Variants in ISX observed in about 807,000 individuals in gnomAD.
ISX encodes the protein intestine-specific homeobox.
ISX carries 15 observed loss-of-function variants against 16.9 expected under a neutral mutation model. The observed-to-expected ratio is 0.89, with a 90% CI of 0.59 to 1.36. The LOEUF (loss-of-function observed/expected upper bound fraction) is 1.36. Among genes scored for constraint, ISX ranks in the 40% most tolerant of loss-of-function variants. The pLI, the probability that ISX is intolerant of heterozygous loss-of-function variation, is 0.00. For synonymous variants in ISX, 125 were observed against 119.7 expected (o/e 1.04, Z -0.29); for missense variants, 316 against 306.1 (o/e 1.03, Z -0.24).
At chr22:35,084,900 T>C (rs1929212031) in intron 4 of ISX, among the ~76,000 whole-genome samples, 1 of 152,096 alleles carries the variant, frequency 6.6e-6, no homozygotes. Context: ...TCAGAGAATG[T>C]AATAAAGTTT....
intron 2 of ISX, among the ~76,000 whole-genome samples, chr22:35,078,645 A>G (rs975928948): frequency 2.1e-4 from 11 of 51,776 alleles, no homozygotes; most frequent in African/African-American, 5.9e-4. Context: ...AAAAATCCAC[A>G]ATAGTGAGCG....
Position 35,085,469 on chromosome 22 carries a change from T to C in ISX, c.514T>C (p.Ser172Pro), listed in dbSNP as rs780042858. The C allele has an allele frequency of 2.5e-6, 4 of 1,614,188 alleles. No individual in the cohort carries two copies. The highest frequency in any genetic ancestry group is 3.4e-6 in the Non-Finnish European group (4 of 1,180,044). Residue 172 changes from serine to proline, a missense_variant, in exon 5 of 5, where the codon TCC (serine) becomes CCC (proline). Transcript: ENST00000404699. ...CTTGTGACAGGGGCCCACGTGGACA[T>C]CCACTGCTCTGCGCAGGCTGGCTCC... ...NLDVAGPTWT[S>P]TALRRLAPPT...
At chr22:35,074,355 T>A (rs1928928292) in intron 2 of ISX, among the ~76,000 whole-genome samples, 1 of 152,228 alleles carries the variant, frequency 6.6e-6, no homozygotes, top group Non-Finnish European at 1.5e-5. Flanking sequence ...GGAGTCTTCA[T>A]CTTGCTGTTC....
chr22:35,084,467 A>C lies in ISX; in HGVS notation c.466A>C (p.Ser156Arg). The C allele has an allele frequency of 1.2e-6, 2 of 1,613,384 alleles. No homozygotes were observed. The highest frequency in any genetic ancestry group is 8.5e-7 in the Non-Finnish European group (1 of 1,179,542). ...LGAPQQLSEA[S>R]VALPTNLDVA... Reference sequence around the variant, plus strand: ...GGCTCCACAGCAGCTGAGTGAAGCCAGTGTGGCCCTGCCCACAAATCTGGA... The same window carrying C: ...GGCTCCACAGCAGCTGAGTGAAGCCCGTGTGGCCCTGCCCACAAATCTGGA... Residue 156 changes from serine to arginine, a missense_variant, in exon 4 of 5, where the codon AGT (serine) becomes CGT (arginine). By Grantham distance (110) the Ser-to-Arg change is moderately radical. Transcript: ENST00000404699.
Position 35,085,749 on chromosome 22 carries a change from A to G in ISX, c.*56A>G, listed in dbSNP as rs916013347. 17 of 1,609,102 alleles carry G rather than the reference A, an allele frequency of 1.1e-5. No individual in the cohort carries two copies. Among genetic ancestry groups the G allele is most frequent in the Non-Finnish European group, 1.4e-5 (17 of 1,176,010 alleles). ...CTTTCCTCTCCAGGTGAAGGCAGGT[A>G]GCAGATGTGCCCTGGGCCTCTGGGG... On this transcript the variant is annotated 3_prime_UTR_variant, in exon 5 of 5. Coordinates refer to ENST00000404699, the MANE Select transcript of ISX (RefSeq NM_001303508.2).
chr22:35,074,816 C>A (rs1477239237), intron 2 of ISX, among the ~76,000 whole-genome samples: 1 of 152,186 alleles, frequency 6.6e-6, no homozygotes, highest in Non-Finnish European at 1.5e-5. Flanking sequence ...CCTGCATCAA[C>A]ACAGTATAGA....
rs1384225092 is a variant in ISX at position 35,082,618 on chromosome 22, C to T, written c.330C>T (p.His110=). ...ACTTTACCCACTACCCAGACGTTCA[C>T]ATCCGCAGCCAGCTGGCAGCCAGGA... ...IFHFTHYPDV[H]IRSQLAARIN... is the part of the protein sequence containing the mutation. The change falls in exon 3 of 5, where the codon CAC becomes CAT. Residue 110 remains histidine (H), a synonymous_variant. Transcript: ENST00000404699. 2 of 1,614,200 alleles carry T rather than the reference C, an allele frequency of 1.2e-6. No individual in the cohort carries two copies. The highest frequency in any genetic ancestry group is 1.1e-5 in the South Asian group (1 of 91,086).
rs753099390 is a variant in ISX at position 35,067,151 on chromosome 22, G to A, written c.64G>A (p.Glu22Lys). 1 of 1,614,042 alleles carries A rather than the reference G, an allele frequency of 6.2e-7. No homozygotes were observed. Among genetic ancestry groups the A allele is most frequent in the South Asian group, 1.1e-5 (1 of 91,048 alleles). The change falls in exon 2 of 5, where the codon GAG (glutamate) becomes AAG (lysine). Residue 22 changes from glutamate (E) to lysine (K), a missense_variant. Transcript: ENST00000404699. ...GGAGAGAAATAGCTTGGGGTGCTGT[G>A]AGGCCCCGAAGAAGCTGAGCCTGTC... Reference protein sequence around the residue: ...GMERNSLGCCEAPKKLSLSFS... With the variant: ...GMERNSLGCCKAPKKLSLSFS...
At chr22:35,081,570 C>T (rs2146294124) in intron 2 of ISX, among the ~76,000 whole-genome samples, 1 of 152,254 alleles carries the variant, frequency 6.6e-6, no homozygotes. Flanking sequence ...CAACTGTTTC[C>T]CTGCTGCTAC....
intron 2 of ISX, among the ~76,000 whole-genome samples, chr22:35,070,236 C>G (rs1349764848): frequency 2.0e-5 from 3 of 152,180 alleles, no homozygotes; most frequent in Non-Finnish European, 4.4e-5. Context: ...TAGGTTGGAC[C>G]CTCCCAGGTC....
chr22:35,080,481 T>C (rs1311367623), intron 2 of ISX, among the ~76,000 whole-genome samples: 1 of 152,108 alleles, frequency 6.6e-6, no homozygotes, highest in East Asian at 1.9e-4. Context: ...CAAAACCAAA[T>C]TGTTGTCCCT....
intron 2 of ISX, among the ~76,000 whole-genome samples, chr22:35,071,929 G>A (rs1332408927): frequency 6.6e-6 from 1 of 152,156 alleles, no homozygotes; most frequent in African/African-American, 2.4e-5. Context: ...GCTCTGCTAT[G>A]GGAACTGGGA....
intron 2 of ISX, 25 bp from the exon 3 acceptor site, chr22:35,082,493 A>C (rs2899241): frequency 0.71 from 1,134,569 of 1,608,990 alleles, 406,212 homozygotes; most frequent in African/African-American, 0.86. Flanking sequence ...GGCCACTGAC[A>C]CAACTTGGAC....
At chr22:35,068,025 G>C (rs1284883413) in intron 2 of ISX, among the ~76,000 whole-genome samples, 1 of 152,238 alleles carries the variant, frequency 6.6e-6, no homozygotes, top group East Asian at 1.9e-4. Context: ...CCTGCTAACA[G>C]TCAGGAACCC....
At chr22:35,073,274 G>T (rs1415497014) in intron 2 of ISX, among the ~76,000 whole-genome samples, 1 of 152,204 alleles carries the variant, frequency 6.6e-6, no homozygotes, top group Non-Finnish European at 1.5e-5. Flanking sequence ...ACGGTACTGA[G>T]TTGGGTGCTG....
chr22:35,076,384 C>T (rs949477306), intron 2 of ISX, among the ~76,000 whole-genome samples: 7 of 152,216 alleles, frequency 4.6e-5, no homozygotes, highest in East Asian at 1.9e-4. Flanking sequence ...AGGCCTTGAA[C>T]GCCATGCTAA....
Position 35,085,885 on chromosome 22 carries a change from C to A in ISX, c.*192C>A. On this transcript the variant is annotated 3_prime_UTR_variant, in exon 5 of 5. Coordinates refer to ENST00000404699, the MANE Select transcript of ISX (RefSeq NM_001303508.2). Reference sequence around the variant, plus strand: ...GCAAACTAAACAATAAAGGACAGCTCTCTTCTCTCCTGGCTAAAGCTGCTC... The same window carrying A: ...GCAAACTAAACAATAAAGGACAGCTATCTTCTCTCCTGGCTAAAGCTGCTC... 1 of 639,714 alleles carries A rather than the reference C, an allele frequency of 1.6e-6. No homozygotes were observed. Among genetic ancestry groups the A allele is most frequent in the Non-Finnish European group, 2.7e-6 (1 of 370,954 alleles). 39.6% of individuals were successfully genotyped at this position (639,714 alleles called of 1,614,324 possible). A position where few individuals can be genotyped will look rare whatever the true frequency, so the allele number is the denominator to read the frequency against.
intron 2 of ISX, among the ~76,000 whole-genome samples, chr22:35,076,217 A>G (rs1015129441): frequency 2.6e-5 from 4 of 152,194 alleles, no homozygotes; most frequent in African/African-American, 9.7e-5. Context: ...GCAAAGGAGG[A>G]GGACAAGGAA....
chr22:35,083,241 G>A (rs1432951118), intron 3 of ISX, among the ~76,000 whole-genome samples: 3 of 151,986 alleles, frequency 2.0e-5, no homozygotes, highest in African/African-American at 7.3e-5. Context: ...ACGATTCTTA[G>A]TTCATGAACC....
Sources: allele counts gnomAD v4.1 joint callset (sites outside exome capture counted in the v4.1 genomes callset), GRCh38; gene constraint gnomAD v4.1.1; transcripts MANE v1.5; gene names NCBI Gene and HGNC (gene_info 2026-07-23, HGNC 2026-07-21).